The following DTNB variants were observed in gnomAD, a reference collection of about 807,000 sequenced individuals.
The protein encoded by DTNB is DTN-B.
A neutral mutation model predicts 90.7 loss-of-function variants in DTNB; 63 were observed. The observed-to-expected ratio is 0.69, with a 90% CI of 0.57 to 0.86. The LOEUF is 0.86. DTNB is among the 40% of genes least tolerant of loss of function. The pLI, the probability that DTNB is intolerant of heterozygous loss-of-function variation, is 0.00. For synonymous variants in DTNB, 277 were observed against 286.7 expected (o/e 0.97, Z 0.34); for missense variants, 744 against 807.1 (o/e 0.92, Z 0.95).
chr2:25,467,520 T>C (rs1261423421), intron 10 of DTNB, among the ~76,000 whole-genome samples: 2 of 152,032 alleles, frequency 1.3e-5, no homozygotes, highest in Non-Finnish European at 1.5e-5. Flanking sequence ...CCCATACTGG[T>C]CTTGAACTCC....
intron 15 of DTNB, chr2:25,426,730 A>T (rs1279520903): frequency 2.0e-5 from 3 of 152,234 alleles, no homozygotes; most frequent in Non-Finnish European, 4.4e-5. Flanking sequence ...GACAATTTCC[A>T]TAATAAATCC....
At chr2:25,450,521 G>A (rs2150120851) in intron 12 of DTNB, among the ~76,000 whole-genome samples, 1 of 152,162 alleles carries the variant, frequency 6.6e-6, no homozygotes, top group South Asian at 2.1e-4. Flanking sequence ...AGACTGTTAT[G>A]GTTATTCTAG....
At chr2:25,454,372 G>C (rs1467977537) in intron 11 of DTNB, among the ~76,000 whole-genome samples, 1 of 152,078 alleles carries the variant, frequency 6.6e-6, no homozygotes, top group Non-Finnish European at 1.5e-5. Flanking sequence ...CCCTCCCAAG[G>C]AGCCATGGCA....
chr2:25,576,326 C>T (rs1344111579), intron 8 of DTNB, among the ~76,000 whole-genome samples: 2 of 150,016 alleles, frequency 1.3e-5, no homozygotes, highest in African/African-American at 2.5e-5. Context: ...CCCGGGTTCA[C>T]GCCATTCTCC....
chr2:25,499,447 C>A (rs1291570606), intron 9 of DTNB, among the ~76,000 whole-genome samples: 4 of 152,090 alleles, frequency 2.6e-5, no homozygotes, highest in African/African-American at 9.7e-5. Flanking sequence ...GCTTCAGTGA[C>A]CATGATGAAC....
At chr2:25,540,264 T>C (rs1317951485) in intron 8 of DTNB, among the ~76,000 whole-genome samples, 1 of 152,250 alleles carries the variant, frequency 6.6e-6, no homozygotes, top group Admixed American at 6.5e-5. Context: ...ATACTGACCA[T>C]TCCTTTCCAT....
At chr2:25,503,936 A>AC (rs1491550288) in intron 9 of DTNB, among the ~76,000 whole-genome samples, 1 of 151,588 alleles carries the variant, frequency 6.6e-6, no homozygotes, top group Non-Finnish European at 1.5e-5. Flanking sequence ...AAAAAAAAAA[A>AC]CAGTTTTATT....
intron 14 of DTNB, among the ~76,000 whole-genome samples, 198 bp downstream of exon 14, chr2:25,432,688 T>C (rs984750385): frequency 6.6e-6 from 1 of 152,228 alleles, no homozygotes; most frequent in Non-Finnish European, 1.5e-5. Context: ...TCTGTGATAA[T>C]GGCTGACATT....
chr2:25,432,206 T>TACACACACACACAC (rs60610400), intron 14 of DTNB, among the ~76,000 whole-genome samples: 23 of 146,320 alleles, frequency 1.6e-4, no homozygotes, highest in African/African-American at 2.5e-4. Flanking sequence ...GAAGAGTGCG[T>TACACACACACACAC]ACACACACAC....
chr2:25,429,089 A>T (rs2052950217), intron 14 of DTNB, among the ~76,000 whole-genome samples: 1 of 152,178 alleles, frequency 6.6e-6, no homozygotes, highest in African/African-American at 2.4e-5. Context: ...GAGCCCCTGA[A>T]ACAGGGCTAG....
intron 1 of DTNB, among the ~76,000 whole-genome samples, chr2:25,657,635 C>T (rs140419122): frequency 6.6e-6 from 1 of 151,920 alleles, no homozygotes; most frequent in Non-Finnish European, 1.5e-5. Context: ...TGGGAAGGAT[C>T]GCTTGTGCCC....
chr2:25,431,297 G>T (rs995506450), intron 14 of DTNB, among the ~76,000 whole-genome samples: 39 of 151,942 alleles, frequency 2.6e-4, no homozygotes, highest in Admixed American at 3.9e-4. Flanking sequence ...CGCCTCCCAG[G>T]TTCAAGCAAT....
chr2:25,413,469 A>T lies in DTNB; in HGVS notation c.1575+6046T>A, dbSNP rs555610305. On this transcript the variant is annotated intron_variant, in intron 16 of 20. Coordinates refer to ENST00000406818, the MANE Select transcript of DTNB (RefSeq NM_021907.5). ...TGTGATGTTCCCCTTCCTGTGTCCA[A>T]GTGTTCTCACTGTTCAATTCCCACC... 2.4e-4 allele frequency among the ~76,000 whole-genome samples: 33 copies of T among 136,268 alleles called. 1 individual carries two copies. The South Asian group carries it at 7.3e-3, about 30-fold the overall frequency. The allele number at this position is 136,268 out of a possible 152,430, so 89.4% of individuals were successfully genotyped here. A position where few individuals can be genotyped will look rare whatever the true frequency, so the allele number is the denominator to read the frequency against.
intron 14 of DTNB, among the ~76,000 whole-genome samples, chr2:25,430,344 C>T (rs1392532895): frequency 6.6e-6 from 1 of 152,070 alleles, no homozygotes. Context: ...AGTAGACCCT[C>T]GATAAGAAGG....
At chr2:25,621,035 A>G (rs1393829449) in intron 4 of DTNB, among the ~76,000 whole-genome samples, 1 of 152,138 alleles carries the variant, frequency 6.6e-6, no homozygotes, top group Non-Finnish European at 1.5e-5. Flanking sequence ...TCTTAAAAAA[A>G]AGAAAATTTA....
chr2:25,576,713 T>TA, intron 8 of DTNB, 125 bp downstream of exon 8: 4 of 1,180,100 alleles, frequency 3.4e-6, no homozygotes, highest in Non-Finnish European at 4.5e-6. Flanking sequence ...GCATAAATGT[T>TA]AGTGTTAAGA....
At chr2:25,612,856 ACCAAAGCTCACT>A (rs985794904) in intron 4 of DTNB, among the ~76,000 whole-genome samples, 2 of 152,166 alleles carry the variant, frequency 1.3e-5, no homozygotes, top group Admixed American at 6.5e-5. Context: ...AACACAAACC[ACCAAAGCTCACT>A]CAAGAGAAAC....
intron 4 of DTNB, 101 bp downstream of exon 4, chr2:25,628,070 C>A (rs1005613491): frequency 2.3e-5 from 30 of 1,290,948 alleles, no homozygotes; most frequent in Non-Finnish European, 2.7e-5. Flanking sequence ...TCTAAGTTGC[C>A]AGCTTAGCAA....
rs144666737 is a variant in DTNB at position 25,430,046 on chromosome 2, T to G, written c.1458-2415A>C. The stretch of plus-strand genomic sequence containing the variant: ...TCTAGCTCAACTTCTACCACCTCCA[T>G]GGTTCCAAATGCTTCCAGAGGAAAA... On this transcript the variant is annotated intron_variant, in intron 14 of 20. Transcript: ENST00000406818. Among the ~76,000 whole-genome samples, 495 of 152,220 alleles carry G rather than the reference T, an allele frequency of 3.3e-3. 6 individuals carry two copies. The highest frequency in any genetic ancestry group is 0.011 in the African/African-American group (462 of 41,542).
Sources: allele counts gnomAD v4.1 joint callset (sites outside exome capture counted in the v4.1 genomes callset), GRCh38; gene constraint gnomAD v4.1.1; transcripts MANE v1.5; gene names NCBI Gene and HGNC (gene_info 2026-07-23, HGNC 2026-07-21).